PALM3: variants seen among roughly 807,000 people sequenced by gnomAD.
PALM3 encodes paralemmin-3.
Under a neutral mutation model 27.9 loss-of-function variants are expected in PALM3, and 20 were observed. That is an observed-to-expected ratio of 0.72 (90% CI 0.50 to 1.04). PALM3 has a LOEUF of 1.04. Among genes scored for constraint, PALM3 ranks in the 50% least tolerant of loss-of-function variants. PALM3 has a pLI of 0.00. For missense variants in PALM3, 814 were observed against 869.4 expected (o/e 0.94, Z 0.80); for synonymous variants, 328 against 352.7 (o/e 0.93, Z 0.79).
At position 14,055,195 on chromosome 19, in the gene PALM3, C is replaced by A. The variant is rs528421536; in HGVS notation, c.477G>T (p.Leu159=). 2.0e-6 allele frequency: 3 copies of A among 1,537,180 alleles called. 1 individual carries two copies. In the South Asian group the frequency reaches 3.7e-5, roughly 19 times the overall value. Residue 159 remains leucine, a synonymous_variant, in exon 7 of 7, where the codon CTG becomes CTT. Coordinates refer to ENST00000669674, the MANE Select transcript of PALM3 (RefSeq NM_001145028.2). ...GAGGCGTGCCCACTAGTCCAGCCGGCAGGGAGGCTCTCTTGTTCAGATCAG... is the reference window on the plus strand; with the variant it reads ...GAGGCGTGCCCACTAGTCCAGCCGGAAGGGAGGCTCTCTTGTTCAGATCAG... The part of the protein sequence containing the change: ...GQTDLNKRAS[L]PAGLVGTPPE...
chr19:14,060,518 A>G (rs1976396415), intron 1 of PALM3, among the ~76,000 whole-genome samples: 1 of 152,000 alleles, frequency 6.6e-6, no homozygotes, highest in South Asian at 2.1e-4. Flanking sequence ...AATCCTCCCA[A>G]CGACTCTAGG....
In PALM3 at chr19:14,053,405, T is replaced by C; in HGVS notation, c.*200A>G. On this transcript the variant is annotated 3_prime_UTR_variant, in exon 7 of 7. Transcript: ENST00000669674. ...CATTTTATTTTCAAGTATAAAGGCT[T>C]CATCGCAGAAGGAGGCCAGGGTTAC... The C allele has an allele frequency of 2.0e-6, 1 of 501,824 alleles. No individual in the cohort carries two copies. The highest frequency in any genetic ancestry group is 1.9e-5 in the African/African-American group (1 of 51,288). 31.1% of individuals were successfully genotyped at this position (501,824 alleles called of 1,614,324 possible).
At position 14,054,758 on chromosome 19, in the gene PALM3, C is replaced by T; in HGVS notation, c.914G>A (p.Gly305Glu). 1.3e-6 allele frequency: 2 copies of T among 1,551,892 alleles called. No homozygotes were observed. The highest frequency in any genetic ancestry group is 1.7e-6 in the Non-Finnish European group (2 of 1,147,054). ...GVGGSDAEAM[G>E]EIGRVPEVVQ... is the part of the protein sequence containing the mutation. ...GACCTCAGGGACCCTGCCTATCTCC[C>T]CCATGGCCTCTGCATCACTGCCACC... The change falls in exon 7 of 7, where the codon GGG becomes GAG. Residue 305 changes from glycine to glutamate, a missense_variant. Coordinates refer to ENST00000669674, the MANE Select transcript of PALM3 (RefSeq NM_001145028.2).
Position 14,062,046 on chromosome 19 carries a change from C to T in PALM3, c.-66G>A, listed in dbSNP as rs890597381. ...CCCACCACCCGCTTGCCTGAAGGTG[C>T]CCCGGAGGCTGTGACTTGGCTGCCT... is the stretch of plus-strand genomic sequence containing the variant. On this transcript the variant is annotated 5_prime_UTR_variant, in exon 1 of 7. Transcript: ENST00000669674. 29 of 958,614 alleles carry T rather than the reference C, an allele frequency of 3.0e-5. No individual in the cohort carries two copies. The highest frequency in any genetic ancestry group is 4.8e-5 in the South Asian group (1 of 20,754). The allele number at this position is 958,614 out of a possible 1,614,324, so 59.4% of individuals were successfully genotyped here.
chr19:14,053,512 G>C lies in PALM3; in HGVS notation c.*93C>G. ...GCTCCCAGGTGCCATGGCCAGTCCT[G>C]TGGTCCCTGTCTGTGCCTGGGACCC... On this transcript the variant is annotated 3_prime_UTR_variant, in exon 7 of 7. Transcript: ENST00000669674. The C allele has an allele frequency of 7.3e-7, 1 of 1,375,220 alleles. No homozygotes were observed. Among genetic ancestry groups the C allele is most frequent in the Non-Finnish European group, 9.5e-7 (1 of 1,049,000 alleles). 85.2% of individuals were successfully genotyped at this position (1,375,220 alleles called of 1,614,324 possible).
chr19:14,061,701 C>T (rs1233268191), intron 1 of PALM3, among the ~76,000 whole-genome samples: 1 of 152,136 alleles, frequency 6.6e-6, no homozygotes. Context: ...TCAGCCCTGG[C>T]AGCGGAAAAT....
Position 14,054,897 on chromosome 19 carries a change from C to T in PALM3, c.775G>A (p.Val259Met). ...ATGGCTTCCAGCACCACTTCCTCCA[C>T]CTTAGCCTCCAGCTCGGGGCCCGTG... is the stretch of plus-strand genomic sequence containing the variant. ...GATGPELEAK[V>M]EEVVLEAIGD... Residue 259 changes from valine to methionine, a missense_variant, in exon 7 of 7, where the codon GTG becomes ATG. Val to Met is a conservative substitution (Grantham distance 21, BLOSUM62 1). Coordinates refer to ENST00000669674, the MANE Select transcript of PALM3 (RefSeq NM_001145028.2). 6.5e-7 allele frequency: 1 copy of T among 1,549,466 alleles called. No homozygotes were observed. The highest frequency in any genetic ancestry group is 8.7e-7 in the Non-Finnish European group (1 of 1,146,972).
chr19:14,056,685 C>G lies in PALM3; in HGVS notation c.291G>C (p.Arg97=), dbSNP rs987249644. 3 of 1,551,628 alleles carry G rather than the reference C, an allele frequency of 1.9e-6. No homozygotes were observed. In the Admixed American group the frequency reaches 5.9e-5, roughly 30 times the overall value. ...SPEGQAQARI[R]NLEDSLFTLQ... ...ACGTGAACAAACTGTCTTCCAGGTT[C>G]CGGATTCGGGCCTGAGCCTGGCCCT... Residue 97 remains arginine (R), a synonymous_variant, in exon 4 of 7, where the codon CGG becomes CGC. Coordinates refer to ENST00000669674, the MANE Select transcript of PALM3 (RefSeq NM_001145028.2).
At position 14,054,443 on chromosome 19, in the gene PALM3, T is replaced by C; in HGVS notation, c.1229A>G (p.Lys410Arg). ...GGGEETWEAE[K>R]RKAEESMGIG... ...TCCCATGGATTCTTCCGCTTTTCTC[T>C]TCTCTGCCTCCCAGGTCTCCTCGCC... Residue 410 changes from lysine to arginine, a missense_variant, in exon 7 of 7, where the codon AAG becomes AGG. Lys to Arg is a conservative substitution (Grantham distance 26). Coordinates refer to ENST00000669674, the MANE Select transcript of PALM3 (RefSeq NM_001145028.2). The C allele has an allele frequency of 6.4e-7, 1 of 1,551,834 alleles. No homozygotes were observed. The highest frequency in any genetic ancestry group is 2.4e-5 in the East Asian group (1 of 40,910).
In PALM3 at chr19:14,054,508, A is replaced by G. The variant is rs1387761497; in HGVS notation, c.1164T>C (p.Asp388=). ...GPEVAGRERG[D]ESPLGAEGAK... Reference sequence around the variant, plus strand: ...CCCCCTCGGCCCCCAGCGGGCTTTCATCTCCTCTCTCCCTCCCTGCCACCT... The same window carrying G: ...CCCCCTCGGCCCCCAGCGGGCTTTCGTCTCCTCTCTCCCTCCCTGCCACCT... Residue 388 remains aspartate, a synonymous_variant, in exon 7 of 7, where the codon GAT becomes GAC. Coordinates refer to ENST00000669674, the MANE Select transcript of PALM3 (RefSeq NM_001145028.2). The G allele has an allele frequency of 5.2e-6, 8 of 1,548,168 alleles. No individual in the cohort carries two copies. The highest frequency in any genetic ancestry group is 1.4e-5 in the African/African-American group (1 of 72,122).
rs866673449 is a variant in PALM3, at chr19:14,054,137, G to A, written c.1535C>T (p.Pro512Leu). The change falls in exon 7 of 7, where the codon CCA becomes CTA. Residue 512 changes from proline to leucine, a missense_variant. By Grantham distance (98) the Pro-to-Leu change is moderately conservative. Coordinates refer to ENST00000669674, the MANE Select transcript of PALM3 (RefSeq NM_001145028.2). ...CTCCAGTGGTTCTTTGGTTGCCTCT[G>A]GCTCTTCCTCACCTCCTTTCTTCTC... Reference protein sequence around the residue: ...GVEKKGGEEEPEATKEPLEAE... With the variant: ...GVEKKGGEEELEATKEPLEAE... 1 of 1,551,380 alleles carries A rather than the reference G, an allele frequency of 6.4e-7. No homozygotes were observed. The highest frequency in any genetic ancestry group is 8.7e-7 in the Non-Finnish European group (1 of 1,146,880).
At chr19:14,059,442 G>A (rs923080451) in intron 1 of PALM3, among the ~76,000 whole-genome samples, 1 of 152,016 alleles carries the variant, frequency 6.6e-6, no homozygotes, top group African/African-American at 2.4e-5. Flanking sequence ...TGACCACCCT[G>A]TCCTTGCCAC....
rs1976249374 is a variant in PALM3 at position 14,054,237 on chromosome 19, A to G, written c.1435T>C (p.Leu479=). ...LGIERKVEGH[L]RAEKEGDEEK... Reference sequence around the variant, plus strand: ...TCATCTCCTTCCTTCTCTGCCCTCAAATGTCCCTCAACTTTTCTCTCTATG... The same window carrying G: ...TCATCTCCTTCCTTCTCTGCCCTCAGATGTCCCTCAACTTTTCTCTCTATG... The change falls in exon 7 of 7, where the codon TTG becomes CTG. Residue 479 remains leucine (L), a synonymous_variant. Coordinates refer to ENST00000669674, the MANE Select transcript of PALM3 (RefSeq NM_001145028.2). The G allele has an allele frequency of 1.3e-6, 2 of 1,549,850 alleles. No individual in the cohort carries two copies. The highest frequency in any genetic ancestry group is 2.4e-5 in the South Asian group (2 of 83,928).
intron 3 of PALM3, 49 bp from the exon 4 acceptor site, chr19:14,056,853 C>T: frequency 6.7e-7 from 1 of 1,490,778 alleles, no homozygotes; most frequent in South Asian, 1.4e-5. Context: ...TACCCCGGTC[C>T]ATGTAAAGTC....
intron 2 of PALM3, among the ~76,000 whole-genome samples, chr19:14,058,644 A>C (rs545278647): frequency 1.3e-5 from 2 of 151,772 alleles, no homozygotes; most frequent in South Asian, 4.2e-4. Flanking sequence ...GTGCGTGCGG[A>C]AAGTTGGGGT....
chr19:14,056,616 C>T, intron 4 of PALM3, 46 bp downstream of exon 4: 4 of 1,551,678 alleles, frequency 2.6e-6, no homozygotes, highest in Non-Finnish European at 2.6e-6. Flanking sequence ...CTCGATCTCA[C>T]CCAGCTGGGG....
chr19:14,056,527 A>G lies in PALM3; in HGVS notation c.315-14T>C. The G allele has an allele frequency of 6.5e-7, 1 of 1,549,874 alleles. No individual in the cohort carries two copies. Among genetic ancestry groups the G allele is most frequent in the East Asian group, 2.4e-5 (1 of 40,894 alleles). On this transcript the variant is annotated splice_polypyrimidine_tract_variant and intron_variant, in intron 4 of 6. Transcript: ENST00000669674. ...TGGGACTGGAGTCTGAAGAAGAGAG[A>G]GGGCTGCTAGGAGCTGGGCCCCCAG...
In PALM3 at chr19:14,057,603, G is replaced by A. The variant is rs1028101472; in HGVS notation, c.91-172C>T. 1.6e-5 allele frequency: 6 copies of A among 364,544 alleles called. No homozygotes were observed. The Admixed American group carries it at 1.9e-4, about 12-fold the overall frequency. 22.6% of individuals were successfully genotyped at this position (364,544 alleles called of 1,614,324 possible). A position where few individuals can be genotyped will look rare whatever the true frequency, so the allele number is the denominator to read the frequency against. On this transcript the variant is annotated intron_variant, in intron 2 of 6. Transcript: ENST00000669674. ...CGGGTCTGCACCCAGGGCGGGGAGG[G>A]GGCTGCGGAGGCGCTGACTCAGCGG...
In PALM3 at chr19:14,054,216, C is replaced by A; in HGVS notation, c.1456G>T (p.Asp486Tyr). The change falls in exon 7 of 7, where the codon GAT (aspartate) becomes TAT (tyrosine). Residue 486 changes from aspartate to tyrosine, a missense_variant. Coordinates refer to ENST00000669674, the MANE Select transcript of PALM3 (RefSeq NM_001145028.2). ...EGHLRAEKEG[D>Y]EEKRGAEEEE... Reference sequence around the variant, plus strand: ...TCCTCTGCCCCTCGCTTTTCCTCATCTCCTTCCTTCTCTGCCCTCAAATGT... The same window carrying A: ...TCCTCTGCCCCTCGCTTTTCCTCATATCCTTCCTTCTCTGCCCTCAAATGT... 6.4e-7 allele frequency: 1 copy of A among 1,551,902 alleles called. No individual in the cohort carries two copies. Among genetic ancestry groups the A allele is most frequent in the Non-Finnish European group, 8.7e-7 (1 of 1,147,058 alleles).
Sources: gnomAD v4.1 joint callset for allele counts (sites outside exome capture counted in the v4.1 genomes callset) on GRCh38, gnomAD v4.1.1 for gene constraint, MANE v1.5 for transcripts, NCBI Gene and HGNC (gene_info 2026-07-23, HGNC 2026-07-21) for gene names.